The following COL5A1 variants were observed in gnomAD, a reference collection of about 807,000 sequenced individuals.
COL5A1 encodes the protein collagen type V alpha 1 chain, also known as collagen alpha-1(V) chain.
In COL5A1, 16 loss-of-function variants were observed where a neutral mutation model predicts 263.7. The ratio of observed to expected loss-of-function variants is 0.06; its 90% confidence interval spans 0.04 to 0.09. COL5A1 has a LOEUF of 0.09. Ranked by LOEUF, COL5A1 falls within the 10% of genes least tolerant of loss-of-function variation. The pLI, the probability that COL5A1 is intolerant of heterozygous loss-of-function variation, is 1.00. For synonymous variants in COL5A1, 1,012 were observed against 1,004.5 expected, an observed-to-expected ratio of 1.01 and a Z score of -0.14; for missense variants, 2,036 against 2,540.5, an observed-to-expected ratio of 0.80 and a Z score of 4.27.
chr9:134,835,028 C>A lies in COL5A1; in HGVS notation c.5194C>A (p.Arg1732=), dbSNP rs201379514. Residue 1732 remains arginine, a synonymous_variant, in exon 65 of 66, where the codon CGG becomes AGG. Coordinates refer to ENST00000371817, the MANE Select transcript of COL5A1 (RefSeq NM_000093.5). The stretch of plus-strand genomic sequence containing the variant: ...GGGTGTGGTACAGATGACCTTCCTG[C>A]GGCTGCTGAGCGCCTCTGCCCACCA... ...PVGVVQMTFL[R]LLSASAHQNV... The A allele has an allele frequency of 1.9e-6, 3 of 1,613,360 alleles. No homozygotes were observed. Among genetic ancestry groups the A allele is most frequent in the East Asian group, 2.2e-5 (1 of 44,898 alleles).
chr9:134,725,349 G>C (rs3128577), intron 4 of COL5A1, among the ~76,000 whole-genome samples: 152,193 of 152,304 alleles, frequency 1, 76,041 homozygotes, highest in Middle Eastern at 1. Context: ...AGAGAGACCA[G>C]GTGCAGGCTC....
intron 20 of COL5A1, among the ~76,000 whole-genome samples, chr9:134,764,095 C>T (rs1161999943): frequency 1.1e-3 from 10 of 8,956 alleles, no homozygotes; most frequent in Non-Finnish European, 1.6e-3. Flanking sequence ...TGGTGGGGTC[C>T]GGGGTCAGTG....
intron 1 of COL5A1, among the ~76,000 whole-genome samples, chr9:134,658,907 G>A (rs765705125): frequency 1.3e-5 from 2 of 152,206 alleles, no homozygotes; most frequent in African/African-American, 2.4e-5. Flanking sequence ...GGAGGGGTTC[G>A]CTGAGACTTT....
At chr9:134,658,154 G>T (rs1371085846) in intron 1 of COL5A1, among the ~76,000 whole-genome samples, 1 of 152,012 alleles carries the variant, frequency 6.6e-6, no homozygotes, top group African/African-American at 2.4e-5. Context: ...CTAATGCAGG[G>T]GCTTTCTGCC....
Position 134,686,107 on chromosome 9 carries a change from G to A in COL5A1, c.110-4805G>A, listed in dbSNP as rs573052360. ...CATGTCTGTGTTGAGCTCCTCCTAT[G>A]TGCCAGTGCTGCAGTCTTGCTTGTA... is the stretch of plus-strand genomic sequence containing the variant. On this transcript the variant is annotated intron_variant, in intron 1 of 65. Coordinates refer to ENST00000371817, the MANE Select transcript of COL5A1 (RefSeq NM_000093.5). The surrounding 1 kb of genome is among the most constrained non-coding windows in gnomAD (Gnocchi z 4.6). Among the ~76,000 whole-genome samples, 9 of 152,334 alleles carry A rather than the reference G, an allele frequency of 5.9e-5. No homozygotes were observed. The highest frequency in any genetic ancestry group is 2.2e-4 in the African/African-American group (9 of 41,576).
At position 134,700,516 on chromosome 9, in the gene COL5A1, G is replaced by C. The variant is rs1455570791; in HGVS notation, c.491+394G>C. On this transcript the variant is annotated intron_variant, in intron 3 of 65. Transcript: ENST00000371817. This position sits in a 1 kb window ranked among gnomAD's most constrained non-coding sequence, Gnocchi z 4.0. ...GGAGTGGGAGTGAGCATGAGAAAAA[G>C]CGGGTCGTGCCAGCACGCTCTGTTG... Among the ~76,000 whole-genome samples the C allele has an allele frequency of 3.3e-5, 5 of 152,198 alleles. No homozygotes were observed. The highest frequency in any genetic ancestry group is 3.3e-4 in the Admixed American group (5 of 15,288).
intron 43 of COL5A1, among the ~76,000 whole-genome samples, chr9:134,810,049 G>A (rs1417993976): frequency 1.3e-5 from 2 of 152,212 alleles, no homozygotes; most frequent in African/African-American, 4.8e-5. Flanking sequence ...AGCCTGTCGA[G>A]CATCAGATCG....
At chr9:134,836,055 T>A (rs1392945956) in intron 65 of COL5A1, among the ~76,000 whole-genome samples, 1 of 152,232 alleles carries the variant, frequency 6.6e-6, no homozygotes, top group Admixed American at 6.5e-5. Context: ...TGGAGCCTGT[T>A]CTCTCCACCA....
chr9:134,642,056 G>A lies in COL5A1; in HGVS notation c.-132G>A. On this transcript the variant is annotated 5_prime_UTR_variant, in exon 1 of 66. Transcript: ENST00000371817. This position sits in a 1 kb window ranked among gnomAD's most constrained non-coding sequence, Gnocchi z 4.5. The stretch of plus-strand genomic sequence containing the variant: ...GCCGCCACAAAGAAGAACGGGGGGT[G>A]CCGAGGTCCCCATGACCTCCTAAAG... 1 of 748,328 alleles carries A rather than the reference G, an allele frequency of 1.3e-6. No individual in the cohort carries two copies. Among genetic ancestry groups the A allele is most frequent in the Non-Finnish European group, 1.8e-6 (1 of 547,028 alleles). 46.4% of individuals were successfully genotyped at this position (748,328 alleles called of 1,614,324 possible).
At chr9:134,782,106 G>T (rs899529209) in intron 28 of COL5A1, among the ~76,000 whole-genome samples, 1 of 152,208 alleles carries the variant, frequency 6.6e-6, no homozygotes, top group Non-Finnish European at 1.5e-5. Flanking sequence ...ACTGACGCGC[G>T]GCAGCCTCAC....
At position 134,696,382 on chromosome 9, in the gene COL5A1, G is replaced by A. The variant is rs1346166616; in HGVS notation, c.278-3527G>A. On this transcript the variant is annotated intron_variant, in intron 2 of 65. Transcript: ENST00000371817. The surrounding 1 kb of genome is among the most constrained non-coding windows in gnomAD (Gnocchi z 4.3). ...GGCAGAGACAGGGATTCACCATGTT[G>A]GCCAGGCTGGTGTGGAACTCCTGAC... Among the ~76,000 whole-genome samples, 2 of 152,018 alleles carry A rather than the reference G, an allele frequency of 1.3e-5. No individual in the cohort carries two copies.
chr9:134,731,243 C>T (rs559868377), intron 7 of COL5A1, among the ~76,000 whole-genome samples: 9 of 152,280 alleles, frequency 5.9e-5, no homozygotes, highest in African/African-American at 9.6e-5. Context: ...CCTGCCTGAG[C>T]GGGTGCACGG....
In COL5A1 at chr9:134,835,112, TACG is replaced by T. The variant is rs1839803301; in HGVS notation, c.5281_5283del (p.Asp1761del). 1.2e-6 allele frequency: 2 copies of T among 1,613,724 alleles called. No individual in the cohort carries two copies. The highest frequency in any genetic ancestry group is 1.1e-5 in the South Asian group (1 of 91,094). On this transcript the variant is annotated inframe_deletion, in exon 65 of 66. Transcript: ENST00000371817. Reference sequence around the variant, plus strand: ...CTGGCAGGACGCAGCCACGGGCAGCTACGACAAGGCCCTCCGCTTCCTGGGCTC... The same window carrying T: ...CTGGCAGGACGCAGCCACGGGCAGCTACAAGGCCCTCCGCTTCCTGGGCTC...
rs778169324 is a variant in COL5A1 at position 134,824,748 on chromosome 9, A to G, written c.4847A>G (p.Asn1616Ser). Residue 1616 changes from asparagine (N) to serine (S), a missense_variant, in exon 62 of 66, where the codon AAC becomes AGC. Physicochemically the swap from Asn to Ser is conservative, Grantham distance 46. Coordinates refer to ENST00000371817, the MANE Select transcript of COL5A1 (RefSeq NM_000093.5). ...ATGGAAGAGATCTTCGGCTCTCTCAACTCTCTGAAGCTGGAGATTGAGCAG... is the reference window on the plus strand; with the variant it reads ...ATGGAAGAGATCTTCGGCTCTCTCAGCTCTCTGAAGCTGGAGATTGAGCAG... ...DGMEEIFGSL[N>S]SLKLEIEQMK... is the part of the protein sequence containing the mutation. 3.7e-6 allele frequency: 6 copies of G among 1,614,052 alleles called. No individual in the cohort carries two copies. The Admixed American group carries it at 5.0e-5, about 13-fold the overall frequency.
intron 32 of COL5A1, among the ~76,000 whole-genome samples, chr9:134,790,601 C>T (rs1157289862): frequency 1.7e-4 from 14 of 84,110 alleles, no homozygotes; most frequent in East Asian, 7.0e-4. Flanking sequence ...TATCCATCCA[C>T]CCACCCATCC....
chr9:134,764,867 A>T (rs967734613), intron 20 of COL5A1, among the ~76,000 whole-genome samples: 1 of 152,210 alleles, frequency 6.6e-6, no homozygotes, highest in Non-Finnish European at 1.5e-5. Flanking sequence ...ACTAGGTATT[A>T]AAATAACGAA....
chr9:134,721,076 G>A (rs1024595403), intron 4 of COL5A1, among the ~76,000 whole-genome samples: 3 of 152,094 alleles, frequency 2.0e-5, no homozygotes, highest in African/African-American at 4.8e-5. Flanking sequence ...GTGTGGCTGC[G>A]CGTGAGTCAG....
rs1833800319 is a variant in COL5A1, at chr9:134,705,277, G to C, written c.654+3944G>C. On this transcript the variant is annotated intron_variant, in intron 4 of 65. Transcript: ENST00000371817. ...ACACATGTGTCTCCTGCAGTGCAAG[G>C]CCAGGGCTAACGGCTGGTGCTGTGC... is the stretch of plus-strand genomic sequence containing the variant. 2.7e-5 allele frequency among the ~76,000 whole-genome samples: 3 copies of C among 112,516 alleles called. No individual in the cohort carries two copies. The Admixed American group carries it at 3.4e-4, about 13-fold the overall frequency. 73.8% of individuals were successfully genotyped at this position (112,516 alleles called of 152,430 possible).
intron 2 of COL5A1, chr9:134,691,694 G>T (rs1280449822): frequency 6.4e-6 from 1 of 156,220 alleles, no homozygotes; most frequent in South Asian, 2.0e-4. Context: ...AAACCCTCTG[G>T]GCTTATCTGG....
Sources: gnomAD v4.1 joint callset for allele counts (sites outside exome capture counted in the v4.1 genomes callset) on GRCh38, gnomAD v4.1.1 for gene constraint, Gnocchi (gnomAD v3.1) non-coding constraint, MANE v1.5 for transcripts, NCBI Gene and HGNC (gene_info 2026-07-23, HGNC 2026-07-21) for gene names.